Variants in FAM53A observed in about 807,000 individuals in gnomAD.
FAM53A encodes family with sequence similarity 53 member A.
A neutral mutation model predicts 26.6 loss-of-function variants in FAM53A; 28 were observed. The ratio of observed to expected loss-of-function variants is 1.05; its 90% CI spans 0.78 to 1.45. FAM53A has a LOEUF of 1.45. FAM53A is among the 40% of genes most tolerant of loss of function. The pLI is 0.00. For synonymous variants in FAM53A, 290 were observed against 253.1 expected (o/e 1.15, Z -1.38); for missense variants, 650 against 575.8 (o/e 1.13, Z -1.32).
At chr4:1,591,246 G>A in the FAM53A span, among the ~76,000 whole-genome samples, 5 of 151,494 alleles carry the variant, frequency 3.3e-5, no homozygotes, top group South Asian at 4.2e-4. Context: ...TTTGTTTTTC[G>A]TTCAACCTGT....
the FAM53A span, among the ~76,000 whole-genome samples, chr4:1,597,270 C>A: frequency 6.6e-6 from 1 of 152,270 alleles, no homozygotes; most frequent in South Asian, 2.1e-4. Context: ...ACTCCCCTGC[C>A]TCTGCTCCTC....
the FAM53A span, among the ~76,000 whole-genome samples, chr4:1,611,193 C>G: frequency 3.3e-5 from 5 of 152,200 alleles, no homozygotes; most frequent in East Asian, 9.6e-4. Context: ...TCATTTGCAG[C>G]GACACTGTGT....
At chr4:1,607,379 T>C in the FAM53A span, among the ~76,000 whole-genome samples, 1 of 151,976 alleles carries the variant, frequency 6.6e-6, no homozygotes, top group African/African-American at 2.4e-5. Context: ...CCAGTTTTTA[T>C]TCTATTATTA....
intron 1 of FAM53A, chr4:1,618,205 C>T (rs535096833): frequency 4.4e-6 from 2 of 454,360 alleles, no homozygotes; most frequent in African/African-American, 2.0e-5. Flanking sequence ...GACAGTGAGG[C>T]TGGCCTTGAG....
chr4:1,597,971 C>T, the FAM53A span, among the ~76,000 whole-genome samples: 6 of 152,190 alleles, frequency 3.9e-5, no homozygotes, highest in African/African-American at 1.4e-4. Context: ...ACTCCAGCCT[C>T]GGCAACAGAG....
the FAM53A span, among the ~76,000 whole-genome samples, chr4:1,576,638 C>G: frequency 6.6e-6 from 1 of 152,220 alleles, no homozygotes; most frequent in South Asian, 2.1e-4. Context: ...GTGAACGTTA[C>G]GGTAAATCTG....
At chr4:1,614,707 G>C (rs1009387870), downstream of FAM53A, among the ~76,000 whole-genome samples, 3 of 152,242 alleles carry the variant, frequency 2.0e-5, no homozygotes, top group African/African-American at 7.2e-5. Flanking sequence ...TGCCGCCTCC[G>C]GTCACAACAG....
rs73188113 is a variant in FAM53A at position 1,667,526 on chromosome 4, G to A, written c.75+1141C>T. On this transcript the variant is annotated intron_variant, in intron 2 of 4. Transcript: ENST00000308132. ...GCCAGGCCCCACAAGCAGTGCTTGC[G>A]AAGGTTCAGGCCACATGCCACCTCC... Among the ~76,000 whole-genome samples, 1,514 of 152,150 alleles carry A rather than the reference G, an allele frequency of 1.0e-2. 8 individuals are homozygous for A. Among genetic ancestry groups the A allele is most frequent in the African/African-American group, 0.017 (695 of 41,508 alleles).
the FAM53A span, chr4:1,574,407 C>T: frequency 2.0e-5 from 3 of 152,532 alleles, no homozygotes; most frequent in African/African-American, 7.2e-5. Flanking sequence ...TCCCCTCCCA[C>T]CAGGGTCAAA....
intron 2 of FAM53A, among the ~76,000 whole-genome samples, chr4:1,663,262 T>C (rs536377830): frequency 2.6e-5 from 4 of 152,290 alleles, no homozygotes; most frequent in Admixed American, 6.5e-5. Context: ...ACAGACACTG[T>C]GGAAAACAGT....
chr4:1,650,171 G>A (rs1712637246), intron 4 of FAM53A, among the ~76,000 whole-genome samples: 2 of 137,126 alleles, frequency 1.5e-5, no homozygotes, highest in African/African-American at 5.6e-5. Context: ...TTGTGAGGTG[G>A]CACAGGCGTG....
chr4:1,640,575 A>C lies in FAM53A; in HGVS notation c.*718T>G, dbSNP rs1444721618. On this transcript the variant is annotated 3_prime_UTR_variant, in exon 5 of 5. Coordinates refer to ENST00000308132, the MANE Select transcript of FAM53A (RefSeq NM_001174070.3). The stretch of plus-strand genomic sequence containing the variant: ...AATGCAAAATGCTTCTTTAGGAAAA[A>C]CTGAATCAAAATTACGCCTTAATGT... 5.8e-6 allele frequency: 2 copies of C among 343,904 alleles called. No individual in the cohort carries two copies. The highest frequency in any genetic ancestry group is 2.6e-4 in the East Asian group (2 of 7,588). 21.3% of individuals were successfully genotyped at this position (343,904 alleles called of 1,614,324 possible). A position where few individuals can be genotyped will look rare whatever the true frequency, so the allele number is the denominator to read the frequency against.
chr4:1,610,438 GGGGCTAC>G, the FAM53A span, among the ~76,000 whole-genome samples: 2 of 152,322 alleles, frequency 1.3e-5, no homozygotes, highest in African/African-American at 4.8e-5. Flanking sequence ...GCGTGGTGCA[GGGGCTAC>G]GTGCCTCGAA....
At chr4:1,590,767 G>C in the FAM53A span, among the ~76,000 whole-genome samples, 1 of 151,480 alleles carries the variant, frequency 6.6e-6, no homozygotes. Context: ...TAAACTGATA[G>C]ATAATAGAGG....
At chr4:1,641,685 G>A in intron 4 of FAM53A, 78 bp from the exon 5 acceptor site, 1 of 1,466,156 alleles carries the variant, frequency 6.8e-7, no homozygotes, top group Non-Finnish European at 9.5e-7. Context: ...CCCATCGAGG[G>A]CTCGGTGTGC....
At chr4:1,583,380 A>T in the FAM53A span, among the ~76,000 whole-genome samples, 2 of 152,250 alleles carry the variant, frequency 1.3e-5, no homozygotes, top group South Asian at 4.1e-4. Context: ...GACCCAGCAC[A>T]GGCCTAAGGC....
chr4:1,673,369 G>A (rs1714817040), intron 1 of FAM53A, among the ~76,000 whole-genome samples: 1 of 152,228 alleles, frequency 6.6e-6, no homozygotes, highest in Non-Finnish European at 1.5e-5. Context: ...CGCCTGGAGG[G>A]TCTGCACGCC....
intron 1 of FAM53A, among the ~76,000 whole-genome samples, chr4:1,672,881 T>G (rs528193717): frequency 6.7e-6 from 1 of 149,430 alleles, no homozygotes; most frequent in East Asian, 2.0e-4. Context: ...GCGATTCTCC[T>G]GCCTCAGACT....
chr4:1,597,879 C>A, the FAM53A span, among the ~76,000 whole-genome samples: 10 of 152,176 alleles, frequency 6.6e-5, no homozygotes, highest in Admixed American at 2.6e-4. Flanking sequence ...GCCTGTAATC[C>A]CAGCTACTCA....
Sources: gnomAD v4.1 joint callset for allele counts (sites outside exome capture counted in the v4.1 genomes callset) on GRCh38, gnomAD v4.1.1 for gene constraint, MANE v1.5 for transcripts, NCBI Gene and HGNC (gene_info 2026-07-23, HGNC 2026-07-21) for gene names.